Variants in MTIF3 observed in about 807,000 individuals in gnomAD.
The protein encoded by MTIF3 is translation initiation factor IF-3, mitochondrial.
MTIF3 carries 13 observed loss-of-function variants against 20.7 expected under a neutral mutation model. That is an observed-to-expected ratio of 0.63 (90% confidence interval 0.41 to 1.00). The LOEUF (loss-of-function observed/expected upper bound fraction) is 1.00. MTIF3 is among the 50% of genes least tolerant of loss of function. The pLI, the probability that MTIF3 is intolerant of heterozygous loss-of-function variation, is 0.00. For synonymous variants in MTIF3, 114 were observed against 112.5 expected, an observed-to-expected ratio of 1.01 and a Z score of -0.08; for missense variants, 295 against 324.5, an observed-to-expected ratio of 0.91 and a Z score of 0.70.
At chr13:27,436,127 G>T (rs1388298182) in intron 4 of MTIF3, among the ~76,000 whole-genome samples, 1 of 152,116 alleles carries the variant, frequency 6.6e-6, no homozygotes, top group Admixed American at 6.5e-5. Flanking sequence ...CTTCGTCATG[G>T]CACGAAGAGG....
At chr13:27,439,657 C>T (rs1953921887) in intron 3 of MTIF3, among the ~76,000 whole-genome samples, 4 of 152,186 alleles carry the variant, frequency 2.6e-5, no homozygotes, top group Non-Finnish European at 5.9e-5. Context: ...ACCCCATCGG[C>T]TACTCAGCTT....
rs756621481 is a variant in MTIF3, at chr13:27,435,809, C to G, written c.703G>C (p.Ala235Pro). 6.2e-7 allele frequency: 1 copy of G among 1,614,180 alleles called. No homozygotes were observed. Among genetic ancestry groups the G allele is most frequent in the East Asian group, 2.2e-5 (1 of 44,884 alleles). Residue 235 changes from alanine (A) to proline (P), a missense_variant, in exon 5 of 5, where the codon GCT (alanine) becomes CCT (proline). Physicochemically the swap from Ala to Pro is conservative, Grantham distance 27. Coordinates refer to ENST00000381120, the MANE Select transcript of MTIF3 (RefSeq NM_152912.5). ...SRPQAVQGGK[A>P]LMCVLRAFSK... is the part of the protein sequence containing the mutation. Reference sequence around the variant, plus strand: ...AAAGCACGAAGAACACACATTAAAGCTTTTCCTCCTTGAACAGCTTGTGGC... The same window carrying G: ...AAAGCACGAAGAACACACATTAAAGGTTTTCCTCCTTGAACAGCTTGTGGC...
In MTIF3 at chr13:27,437,194, C is replaced by T. The variant is rs753057889; in HGVS notation, c.540G>A (p.Gln180=). 2 of 1,614,008 alleles carry T rather than the reference C, an allele frequency of 1.2e-6. No individual in the cohort carries two copies. Among genetic ancestry groups the T allele is most frequent in the Non-Finnish European group, 1.7e-6 (2 of 1,179,900 alleles). The stretch of plus-strand genomic sequence containing the variant: ...CTAGGTGTTTTTTCTTAATCCACTG[C>T]TGAATCTGTTTAGTCTTTGTGTCCA... The part of the protein sequence containing the change: ...HDLDTKTKQI[Q]QWIKKKHLVQ... The change falls in exon 4 of 5, where the codon CAG becomes CAA. Residue 180 remains glutamine (Q), a synonymous_variant. Transcript: ENST00000381120.
intron 3 of MTIF3, among the ~76,000 whole-genome samples, chr13:27,439,393 G>A (rs1312777297): frequency 6.6e-6 from 1 of 152,342 alleles, no homozygotes; most frequent in Non-Finnish European, 1.5e-5. Flanking sequence ...CCACTGGGGA[G>A]GCTAAGGCAG....
Position 27,439,986 on chromosome 13 carries a change from T to C in MTIF3, c.460+3A>G, listed in dbSNP as rs1593191095. The C allele has an allele frequency of 1.2e-6, 2 of 1,612,152 alleles. No homozygotes were observed. Among genetic ancestry groups the C allele is most frequent in the East Asian group, 2.2e-5 (1 of 44,810 alleles). ...TTCAGGGAGCCAACAGCAAAATACCTACCAGTTTTGGGGTTCGCCTTCTCC... is the reference window on the plus strand; with the variant it reads ...TTCAGGGAGCCAACAGCAAAATACCCACCAGTTTTGGGGTTCGCCTTCTCC... On this transcript the variant is annotated splice_donor_region_variant and intron_variant, in intron 3 of 4. Coordinates refer to ENST00000381120, the MANE Select transcript of MTIF3 (RefSeq NM_152912.5).
chr13:27,437,788 G>A (rs780309197), intron 3 of MTIF3, among the ~76,000 whole-genome samples: 1 of 152,186 alleles, frequency 6.6e-6, no homozygotes, highest in Non-Finnish European at 1.5e-5. Flanking sequence ...TGGGACAATT[G>A]AGAAGTTTAT....
At chr13:27,446,566 G>A (rs1009211719) in intron 1 of MTIF3, among the ~76,000 whole-genome samples, 7 of 152,206 alleles carry the variant, frequency 4.6e-5, no homozygotes, top group African/African-American at 1.4e-4. Flanking sequence ...ATAGCCTAGA[G>A]GGAGGAATGG....
In MTIF3 at chr13:27,439,991, G is replaced by A; in HGVS notation, c.458C>T (p.Thr153Ile). The change falls in exon 3 of 5, where the codon ACT becomes ATT. Residue 153 changes from threonine (T) to isoleucine (I), a missense_variant and splice_region_variant. Physicochemically the swap from Thr to Ile is moderately conservative, Grantham distance 89 (BLOSUM62 -1). Transcript: ENST00000381120. ...GGAGCCAACAGCAAAATACCTACCA[G>A]TTTTGGGGTTCGCCTTCTCCATCTC... ...LREMEKANPKTGPTLRKELIL... is the reference protein window; with the variant it reads ...LREMEKANPKIGPTLRKELIL... 1 of 1,612,942 alleles carries A rather than the reference G, an allele frequency of 6.2e-7. No individual in the cohort carries two copies. Among genetic ancestry groups the A allele is most frequent in the African/African-American group, 1.3e-5 (1 of 75,030 alleles).
At chr13:27,441,714 G>A (rs1439143642) in intron 2 of MTIF3, among the ~76,000 whole-genome samples, 1 of 152,182 alleles carries the variant, frequency 6.6e-6, no homozygotes. Flanking sequence ...TCTAGGGCAT[G>A]CTAGGAATCA....
Position 27,440,319 on chromosome 13 carries a change from G to A in MTIF3, c.130C>T (p.Pro44Ser). ...GCATGAATTAGGAAGGAGAGTCTTGGGGCAGAAGCAATAGGGGACAACTGT... is the reference window on the plus strand; with the variant it reads ...GCATGAATTAGGAAGGAGAGTCTTGAGGCAGAAGCAATAGGGGACAACTGT... ...PAQLSPIASAPRLSFLIHAKA... is the reference protein window; with the variant it reads ...PAQLSPIASASRLSFLIHAKA... The change falls in exon 3 of 5, where the codon CCA (proline) becomes TCA (serine). Residue 44 changes from proline to serine, a missense_variant. Physicochemically the swap from Pro to Ser is moderately conservative, Grantham distance 74 (BLOSUM62 -1). Transcript: ENST00000381120. The A allele has an allele frequency of 6.2e-7, 1 of 1,614,126 alleles. No homozygotes were observed. Among genetic ancestry groups the A allele is most frequent in the Non-Finnish European group, 8.5e-7 (1 of 1,180,026 alleles).
At chr13:27,446,316 C>T (rs1243100160) in intron 1 of MTIF3, among the ~76,000 whole-genome samples, 1 of 152,188 alleles carries the variant, frequency 6.6e-6, no homozygotes, top group Admixed American at 6.5e-5. Context: ...CCTTGGCCTC[C>T]TGAAGTGTTG....
Position 27,438,483 on chromosome 13 carries a change from G to GTTTTTTT in MTIF3, c.461-1217_461-1211dup, listed in dbSNP as rs61052475. On this transcript the variant is annotated intron_variant, in intron 3 of 4. Transcript: ENST00000381120. The stretch of plus-strand genomic sequence containing the variant: ...CCAGCCTGGGCAACAGAGCAAGACT[G>GTTTTTTT]TTTTTTTTTTTTTTTTTTTTTTTTT... Among the ~76,000 whole-genome samples the GTTTTTTT allele has an allele frequency of 6.9e-4, 74 of 107,126 alleles. 5 individuals are homozygous for GTTTTTTT. The highest frequency in any genetic ancestry group is 4.7e-3 in the East Asian group (12 of 2,572). The allele number at this position is 107,126 out of a possible 152,430, so 70.3% of individuals were successfully genotyped here. A position where few individuals can be genotyped will look rare whatever the true frequency, so the allele number is the denominator to read the frequency against.
intron 2 of MTIF3, among the ~76,000 whole-genome samples, chr13:27,444,089 G>A (rs187858666): frequency 6.6e-6 from 1 of 152,212 alleles, no homozygotes; most frequent in African/African-American, 2.4e-5. Context: ...GGATCACAAG[G>A]TCAGGAGATC....
At position 27,440,115 on chromosome 13, in the gene MTIF3, G is replaced by A. The variant is rs142053285; in HGVS notation, c.334C>T (p.Arg112Ter). 149 of 1,614,150 alleles carry A rather than the reference G, an allele frequency of 9.2e-5. No homozygotes were observed. Among genetic ancestry groups the A allele is most frequent in the Middle Eastern group, 1.6e-4 (1 of 6,062 alleles). The change falls in exon 3 of 5, where the codon CGA (arginine) becomes TGA (stop). Residue 112 changes from arginine (R) to a stop codon, truncating the protein, a stop_gained. Coordinates refer to ENST00000381120, the MANE Select transcript of MTIF3 (RefSeq NM_152912.5). LOFTEE classifies it high-confidence loss of function. ...RANVIRLMDE[R>*]DLRLVQRNTS... The stretch of plus-strand genomic sequence containing the variant: ...TTCCTTTGAACCAGTCGCAGGTCTC[G>A]CTCATCCATAAGTCTAATCACATTT...
At chr13:27,439,178 T>C (rs1953899957) in intron 3 of MTIF3, among the ~76,000 whole-genome samples, 1 of 152,212 alleles carries the variant, frequency 6.6e-6, no homozygotes, top group African/African-American at 2.4e-5. Flanking sequence ...TGGGAGATGC[T>C]CTGTGAATCA....
intron 1 of MTIF3, among the ~76,000 whole-genome samples, chr13:27,448,985 G>A (rs953118781): frequency 1.5e-4 from 5 of 33,208 alleles, no homozygotes; most frequent in South Asian, 1.7e-3. Flanking sequence ...AGGTTGCAAT[G>A]AGCTGAGATC....
At chr13:27,437,383 A>C (rs1436754637) in intron 3 of MTIF3, 110 bp from the exon 4 acceptor site, 4 of 959,180 alleles carry the variant, frequency 4.2e-6, no homozygotes, top group Non-Finnish European at 6.1e-6. Flanking sequence ...CAATCTTCTC[A>C]TCTGGCTTTC....
intron 3 of MTIF3, 75 bp from the exon 4 acceptor site, chr13:27,437,348 C>G: frequency 1.5e-6 from 2 of 1,371,140 alleles, no homozygotes; most frequent in Non-Finnish European, 2.0e-6. Flanking sequence ...ACATGCCCAT[C>G]ATAAAATCCT....
chr13:27,440,202 T>TA lies in MTIF3; in HGVS notation c.246dup (p.Ser83Ter), dbSNP rs776181381. The stretch of plus-strand genomic sequence containing the variant: ...TCAAATAAGTGAATAACTCGCTGAC[T>TA]AATTTTTCTTCCAACGTTACTAAAA... On this transcript the variant is annotated frameshift_variant, in exon 3 of 5. Transcript: ENST00000381120. LOFTEE classifies it high-confidence loss of function. The TA allele has an allele frequency of 2.0e-5, 33 of 1,614,128 alleles. No individual in the cohort carries two copies. The highest frequency in any genetic ancestry group is 2.7e-5 in the Non-Finnish European group (32 of 1,180,052).
Sources: allele counts gnomAD v4.1 joint callset (sites outside exome capture counted in the v4.1 genomes callset), GRCh38; gene constraint gnomAD v4.1.1; transcripts MANE v1.5; gene names NCBI Gene and HGNC (gene_info 2026-07-23, HGNC 2026-07-21).